Variants in USP9X observed in about 807,000 individuals in gnomAD.
USP9X encodes the protein ubiquitin specific peptidase 9 X-linked.
In USP9X, 7 loss-of-function variants were observed where a neutral mutation model predicts 190.3. The ratio of observed to expected loss-of-function variants is 0.04; its 90% CI spans 0.02 to 0.07. The LOEUF is 0.07. Ranked by LOEUF, USP9X falls within the 10% of genes least tolerant of loss-of-function variation. USP9X has a pLI of 1.00. For missense variants in USP9X, 1,010 were observed against 1,916.9 expected, an observed-to-expected ratio of 0.53 and a Z score of 8.83; for synonymous variants, 645 against 659.5, an observed-to-expected ratio of 0.98 and a Z score of 0.34.
chrX:41,126,379 A>T (rs1237341503), intron 2 of USP9X, among the ~76,000 whole-genome samples: 1 of 111,890 alleles, frequency 8.9e-6, no homozygotes, highest in Non-Finnish European at 1.9e-5. Flanking sequence ...TTGGATGCTA[A>T]AGATTTCTAA....
At chrX:41,189,506 A>G (rs1017865594) in intron 26 of USP9X, 31 bp downstream of exon 26, 31 of 1,142,537 alleles carry the variant, frequency 2.7e-5, no homozygotes, top group Non-Finnish European at 3.6e-5. Flanking sequence ...TAAGAAACTT[A>G]CTTTTTGTAA....
chrX:41,109,209 T>A (rs961896943), intron 1 of USP9X, among the ~76,000 whole-genome samples: 3 of 112,179 alleles, frequency 2.7e-5, no homozygotes, highest in Non-Finnish European at 5.6e-5. Flanking sequence ...TTTTGTTTTT[T>A]AAAAAAATAA....
intron 21 of USP9X, among the ~76,000 whole-genome samples, chrX:41,181,706 C>T (rs1263477301): frequency 9.1e-6 from 1 of 109,858 alleles, no homozygotes; most frequent in African/African-American, 3.3e-5. Context: ...ACCTCCGCCT[C>T]CCTGAGTGCT....
intron 6 of USP9X, among the ~76,000 whole-genome samples, chrX:41,139,974 C>T (rs1286618107): frequency 8.9e-6 from 1 of 111,789 alleles, no homozygotes; most frequent in Non-Finnish European, 1.9e-5. Flanking sequence ...TTTTTACATA[C>T]AGACAGGCTT....
intron 1 of USP9X, among the ~76,000 whole-genome samples, chrX:41,113,446 G>A (rs1402965072): frequency 9.0e-6 from 1 of 111,282 alleles, no homozygotes; most frequent in Non-Finnish European, 1.9e-5. Context: ...TGATCTGCCC[G>A]CCTCGGCCTC....
intron 19 of USP9X, 41 bp from the exon 20 acceptor site, chrX:41,170,425 GTATT>G: frequency 1.7e-6 from 2 of 1,183,099 alleles, no homozygotes; most frequent in Non-Finnish European, 2.3e-6. Flanking sequence ...TTTTGTGTAA[GTATT>G]TTTCCTTGTT....
intron 21 of USP9X, among the ~76,000 whole-genome samples, chrX:41,178,868 A>T (rs1033419962): frequency 8.9e-6 from 1 of 112,065 alleles, no homozygotes; most frequent in African/African-American, 3.2e-5. Context: ...TTTTTAACCC[A>T]TCTTGAGTTT....
At position 41,197,352 on chromosome X, in the gene USP9X, C is replaced by CCCCCGGGGGG; in HGVS notation, c.4234-12_4234-11insCCCCGGGGGG. The CCCCCGGGGGG allele has an allele frequency of 1.0e-6, 1 of 988,184 alleles. No homozygotes were observed. Among genetic ancestry groups the CCCCCGGGGGG allele is most frequent in the Non-Finnish European group, 1.3e-6 (1 of 759,358 alleles). 81.4% of individuals were successfully genotyped at this position (988,184 alleles called of 1,213,427 possible). Reference sequence around the variant, plus strand: ...TTCTTCCCCCCCCCACCCCACCCCCCGCCTTTGGCAGGATGATGTTAAAAG... The same window carrying CCCCCGGGGGG: ...TTCTTCCCCCCCCCACCCCACCCCCCCCCCGGGGGGGCCTTTGGCAGGATGATGTTAAAAG... On this transcript the variant is annotated splice_polypyrimidine_tract_variant and intron_variant, in intron 28 of 44. Transcript: ENST00000378308.
chrX:41,093,383 C>T (rs1384339125), intron 1 of USP9X, among the ~76,000 whole-genome samples: 1 of 112,228 alleles, frequency 8.9e-6, no homozygotes, highest in African/African-American at 3.2e-5. Flanking sequence ...TAAGAATGAG[C>T]AGAAAACAAA....
intron 1 of USP9X, among the ~76,000 whole-genome samples, chrX:41,123,210 T>TTAAG (rs1474055347): frequency 8.9e-6 from 1 of 112,004 alleles, no homozygotes; most frequent in Non-Finnish European, 1.9e-5. Context: ...AAAATGACAG[T>TTAAG]TAAGTACTTT....
chrX:41,170,263 C>T (rs2062713947), intron 19 of USP9X, 28 bp downstream of exon 19: 1 of 1,178,745 alleles, frequency 8.5e-7, no homozygotes, highest in Non-Finnish European at 1.1e-6. Context: ...ACAGATTTTT[C>T]AATAAAATCA....
chrX:41,120,917 C>G (rs1035041246), intron 1 of USP9X, among the ~76,000 whole-genome samples: 5 of 106,578 alleles, frequency 4.7e-5, no homozygotes, highest in African/African-American at 1.7e-4. Flanking sequence ...CATCTCACTG[C>G]TACCTCCGCT....
At chrX:41,126,673 A>G (rs1416734030) in intron 2 of USP9X, among the ~76,000 whole-genome samples, 1 of 111,721 alleles carries the variant, frequency 9.0e-6, no homozygotes, top group African/African-American at 3.3e-5. Flanking sequence ...TGGTAATTTA[A>G]AATAACAAAG....
rs1307685163 is a variant in USP9X, at chrX:41,233,101, C to G, written c.*577C>G. On this transcript the variant is annotated 3_prime_UTR_variant, in exon 45 of 45. Coordinates refer to ENST00000378308, the MANE Select transcript of USP9X (RefSeq NM_001039591.3). ...GAAAATTGGTGATGTAACACTGTTT[C>G]TAGATTTTTTTCATTGCCTTTTTAT... 8.9e-6 allele frequency: 1 copy of G among 112,078 alleles called. No homozygotes were observed. Among genetic ancestry groups the G allele is most frequent in the Non-Finnish European group, 1.9e-5 (1 of 53,238 alleles). 9.2% of individuals were successfully genotyped at this position (112,078 alleles called of 1,213,427 possible). A position where few individuals can be genotyped will look rare whatever the true frequency, so the allele number is the denominator to read the frequency against.
At chrX:41,183,951 A>G (rs1028082445) in intron 21 of USP9X, 47 bp from the exon 22 acceptor site, 1 of 1,168,360 alleles carries the variant, frequency 8.6e-7, no homozygotes, top group Non-Finnish European at 1.1e-6. Context: ...TTAAATATGT[A>G]TGAACACATG....
At chrX:41,133,433 G>A (rs1026761738) in intron 4 of USP9X, among the ~76,000 whole-genome samples, 7 of 111,578 alleles carry the variant, frequency 6.3e-5, no homozygotes, top group Admixed American at 1.9e-4. Flanking sequence ...CATACAATGC[G>A]TAATAATCAC....
At chrX:41,130,720 T>C (rs1227030441) in intron 3 of USP9X, among the ~76,000 whole-genome samples, 1 of 97,667 alleles carries the variant, frequency 1.0e-5, no homozygotes, top group Non-Finnish European at 2.1e-5. Flanking sequence ...TCTTTTCTTT[T>C]CTTTTTCTTT....
intron 9 of USP9X, among the ~76,000 whole-genome samples, chrX:41,141,973 T>C (rs2062426723): frequency 8.9e-6 from 1 of 111,991 alleles, no homozygotes; most frequent in Admixed American, 9.5e-5. Context: ...AATGAGTAAG[T>C]ATGCCATTTA....
chrX:41,171,813 T>C, intron 20 of USP9X, 25 bp from the exon 21 acceptor site: 1 of 1,199,620 alleles, frequency 8.3e-7, no homozygotes, highest in Non-Finnish European at 1.1e-6. Flanking sequence ...TTAGAGGTAA[T>C]TATTTTGTGT....
Sources: allele counts gnomAD v4.1 joint callset (sites outside exome capture counted in the v4.1 genomes callset), GRCh38; gene constraint gnomAD v4.1.1; transcripts MANE v1.5; gene names NCBI Gene and HGNC (gene_info 2026-07-23, HGNC 2026-07-21).